The following SH3TC1 variants were observed in gnomAD, a reference collection of about 807,000 sequenced individuals.
SH3TC1 encodes SH3 domain and tetratricopeptide repeats 1, also known as SH3 domain and tetratricopeptide repeat-containing protein 1.
SH3TC1 carries 135 observed loss-of-function variants against 117.3 expected under a neutral mutation model. That is an observed-to-expected ratio of 1.15 (90% CI 1.00 to 1.33). The LOEUF is 1.33. Ranked by LOEUF, SH3TC1 falls within the 40% of genes most tolerant of loss-of-function variation. The probability of loss-of-function intolerance (pLI) is 0.00; values close to 1 mark genes in which losing one functional copy is unlikely to be tolerated. For synonymous variants in SH3TC1, 898 were observed against 816.9 expected, an observed-to-expected ratio of 1.10 and a Z score of -1.69; for missense variants, 2,092 against 1,794.3, an observed-to-expected ratio of 1.17 and a Z score of -3.00.
At chr4:8,188,350 A>C (rs1220714983) in intron 1 of SH3TC1, among the ~76,000 whole-genome samples, 1 of 152,244 alleles carries the variant, frequency 6.6e-6, no homozygotes, top group Admixed American at 6.5e-5. Flanking sequence ...AGCATCGGGC[A>C]GGCAGGTTGG....
Position 8,218,081 on chromosome 4 carries a change from C to T in SH3TC1, c.840-190C>T, listed in dbSNP as rs189022022. Among the ~76,000 whole-genome samples, 27 of 152,190 alleles carry T rather than the reference C, an allele frequency of 1.8e-4. No individual in the cohort carries two copies. In the East Asian group the frequency reaches 3.5e-3, roughly 20 times the overall value. Reference sequence around the variant, plus strand: ...GGGGCTCCCTGGGGGCAGTGCCACACGCACGGGGCCTGAAGGCCACACACC... The same window carrying T: ...GGGGCTCCCTGGGGGCAGTGCCACATGCACGGGGCCTGAAGGCCACACACC... On this transcript the variant is annotated intron_variant, in intron 7 of 17. Coordinates refer to ENST00000245105, the MANE Select transcript of SH3TC1 (RefSeq NM_018986.5).
rs1263270127 is a variant in SH3TC1, at chr4:8,227,935, T to C, written c.2241T>C (p.Ser747=). Residue 747 remains serine (S), a synonymous_variant, in exon 12 of 18, where the codon AGT becomes AGC. Transcript: ENST00000245105. ...TRGSLAGSLR[S]VNLVLQNAPQ... is the part of the protein sequence containing the mutation. ...GCTCGCTGGCCGGCTCGCTGAGGAG[T>C]GTGAACCTGGTGCTCCAGAACGCCC... 1.2e-5 allele frequency: 19 copies of C among 1,612,102 alleles called. No homozygotes were observed. Among genetic ancestry groups the C allele is most frequent in the East Asian group, 2.2e-5 (1 of 44,868 alleles).
In SH3TC1 at chr4:8,240,947, C is replaced by T. The variant is rs575302218; in HGVS notation, c.4003C>T (p.Pro1335Ser). The change falls in exon 18 of 18, where the codon CCT (proline) becomes TCT (serine). Residue 1335 changes from proline (P) to serine (S), a missense_variant. Pro to Ser is a moderately conservative substitution (Grantham distance 74). Transcript: ENST00000245105. Reference protein sequence around the residue: ...GWAPWLAPSHPR With the variant: ...GWAPWLAPSHSR Reference sequence around the variant, plus strand: ...GGCCCCCTGGTTGGCCCCCAGCCACCCTCGCTGAGGACAGCATCCAAGGGA... The same window carrying T: ...GGCCCCCTGGTTGGCCCCCAGCCACTCTCGCTGAGGACAGCATCCAAGGGA... 1.6e-5 allele frequency: 25 copies of T among 1,610,004 alleles called. No homozygotes were observed. In the East Asian group the frequency reaches 2.2e-4, roughly 14 times the overall value.
At chr4:8,233,599 C>A (rs992850778) in intron 14 of SH3TC1, 86 bp downstream of exon 14, 5 of 1,405,992 alleles carry the variant, frequency 3.6e-6, no homozygotes, top group Non-Finnish European at 3.8e-6. Context: ...GATAGATGAT[C>A]CTTCCATCAT....
Position 8,228,507 on chromosome 4 carries a change from T to C in SH3TC1, c.2813T>C (p.Leu938Pro), listed in dbSNP as rs761181177. The change falls in exon 12 of 18, where the codon CTT becomes CCT. Residue 938 changes from leucine (L) to proline (P), a missense_variant. Physicochemically the swap from Leu to Pro is moderately conservative, Grantham distance 98. Transcript: ENST00000245105. The stretch of plus-strand genomic sequence containing the variant: ...GTGCGGCTGTTCTCGAGGCTGCCCC[T>C]TGGGGAGTGTGGCCGGGACTTCACC... ...EAVRLFSRLPLGECGRDFTHV... is the reference protein window; with the variant it reads ...EAVRLFSRLPPGECGRDFTHV... The C allele has an allele frequency of 3.7e-5, 59 of 1,611,294 alleles. No individual in the cohort carries two copies. The highest frequency in any genetic ancestry group is 4.6e-5 in the Non-Finnish European group (54 of 1,179,460).
chr4:8,222,761 A>G, intron 9 of SH3TC1, 79 bp from the exon 10 acceptor site: 1 of 1,545,392 alleles, frequency 6.5e-7, no homozygotes, highest in Non-Finnish European at 8.8e-7. Flanking sequence ...CTGTCAAATC[A>G]AGGAATGGAA....
At chr4:8,207,729 C>T (rs987874966) in intron 2 of SH3TC1, among the ~76,000 whole-genome samples, 8 of 152,196 alleles carry the variant, frequency 5.3e-5, no homozygotes, top group African/African-American at 1.9e-4. Flanking sequence ...CCTGTGTCTT[C>T]GTCACTTAGT....
At position 8,228,429 on chromosome 4, in the gene SH3TC1, TGTGCCTGCATGCGG is replaced by T. The variant is rs1720775155; in HGVS notation, c.2741_2754del (p.Leu914GlnfsTer93). ...GTGGGGCTGGCCAACTTCGGGGCCCTGTGCCTGCATGCGGGTGCCAGCAGGCTGGCCCAGCACTA... is the reference window on the plus strand; with the variant it reads ...GTGGGGCTGGCCAACTTCGGGGCCCTGTGCCAGCAGGCTGGCCCAGCACTA... On this transcript the variant is annotated frameshift_variant, in exon 12 of 18. Coordinates refer to ENST00000245105, the MANE Select transcript of SH3TC1 (RefSeq NM_018986.5). LOFTEE classifies it high-confidence loss of function. The T allele has an allele frequency of 1.2e-6, 2 of 1,604,810 alleles. No homozygotes were observed. Among genetic ancestry groups the T allele is most frequent in the East Asian group, 4.5e-5 (2 of 44,772 alleles).
In SH3TC1 at chr4:8,232,481, G is replaced by C. The variant is rs757202195; in HGVS notation, c.3131+325G>C. On this transcript the variant is annotated intron_variant, in intron 13 of 17. Coordinates refer to ENST00000245105, the MANE Select transcript of SH3TC1 (RefSeq NM_018986.5). ...TCCTACCTGGTGGCTTTTGTCATCTGACCTCTGCCTGCCCCGAGTCTTCAC... is the reference window on the plus strand; with the variant it reads ...TCCTACCTGGTGGCTTTTGTCATCTCACCTCTGCCTGCCCCGAGTCTTCAC... The C allele has an allele frequency of 3.3e-5, 47 of 1,436,450 alleles. No individual in the cohort carries two copies. The East Asian group carries it at 1.6e-3, about 49-fold the overall frequency. The allele number at this position is 1,436,450 out of a possible 1,614,324, so 89.0% of individuals were successfully genotyped here.
chr4:8,232,182 G>T, intron 13 of SH3TC1, 26 bp downstream of exon 13: 1 of 636,046 alleles, frequency 1.6e-6, no homozygotes, highest in East Asian at 6.6e-5. Context: ...GTGGTGGTGG[G>T]GGCGGGGGGA....
rs771178324 is a variant in SH3TC1, at chr4:8,209,677, C to T, written c.173-71C>T. 21 of 1,598,762 alleles carry T rather than the reference C, an allele frequency of 1.3e-5. No homozygotes were observed. The East Asian group carries it at 1.6e-4, about 12-fold the overall frequency. On this transcript the variant is annotated intron_variant, in intron 2 of 17. Transcript: ENST00000245105. This position sits in a 1 kb window ranked among gnomAD's most constrained non-coding sequence, Gnocchi z 5.9. The stretch of plus-strand genomic sequence containing the variant: ...TCTTTTCTTGCAGAGAGACCTGGAG[C>T]GTTTGGCGCCTTCAGAGGAGCCAGG...
rs534790613 is a variant in SH3TC1, at chr4:8,236,518, C to A, written c.3556+90C>A. 4.9e-3 allele frequency: 6,888 copies of A among 1,401,164 alleles called. 21 individuals carry two copies. Among genetic ancestry groups the A allele is most frequent in the Non-Finnish European group, 6.0e-3 (6,475 of 1,071,146 alleles). 86.8% of individuals were successfully genotyped at this position (1,401,164 alleles called of 1,614,324 possible). A position where few individuals can be genotyped will look rare whatever the true frequency, so the allele number is the denominator to read the frequency against. On this transcript the variant is annotated intron_variant, in intron 16 of 17. Coordinates refer to ENST00000245105, the MANE Select transcript of SH3TC1 (RefSeq NM_018986.5). ...GCAGGGCAGGAGCCGAAACAGCTGC[C>A]GGATTTTCCTGGTCTCCTGTCCAGG...
intron 12 of SH3TC1, 79 bp from the exon 13 acceptor site, chr4:8,231,897 C>A: frequency 1.3e-6 from 2 of 1,526,008 alleles, no homozygotes. Flanking sequence ...GAGGCAAGCA[C>A]ACCGCAGGGG....
At chr4:8,223,618 G>T (rs1343800597) in intron 10 of SH3TC1, among the ~76,000 whole-genome samples, 2 of 151,864 alleles carry the variant, frequency 1.3e-5, no homozygotes, top group Non-Finnish European at 2.9e-5. Context: ...ACAAATGTGT[G>T]GCTACACACC....
chr4:8,204,863 G>C (rs575046771), intron 1 of SH3TC1: 73 of 236,948 alleles, frequency 3.1e-4, no homozygotes, highest in Middle Eastern at 1.3e-3. Context: ...CCTGAGGAGG[G>C]GCACAAGGCA....
upstream of SH3TC1, among the ~76,000 whole-genome samples, chr4:8,196,065 G>C (rs1717549579): frequency 6.6e-6 from 1 of 152,254 alleles, no homozygotes; most frequent in African/African-American, 2.4e-5. This position sits in a 1 kb window ranked among gnomAD's most constrained non-coding sequence, Gnocchi z 4.6. Context: ...TCCTCGCTGG[G>C]CCAAGGCTGC....
rs745493760 is a variant in SH3TC1 at position 8,232,089 on chromosome 4, G to A, written c.3064G>A (p.Asp1022Asn). 7 of 1,612,720 alleles carry A rather than the reference G, an allele frequency of 4.3e-6. No individual in the cohort carries two copies. Among genetic ancestry groups the A allele is most frequent in the African/African-American group, 4.0e-5 (3 of 74,818 alleles). The change falls in exon 13 of 18, where the codon GAC (aspartate) becomes AAC (asparagine). Residue 1022 changes from aspartate to asparagine, a missense_variant. By Grantham distance (23) the Asp-to-Asn change is conservative. Coordinates refer to ENST00000245105, the MANE Select transcript of SH3TC1 (RefSeq NM_018986.5). ...LQLSLACKVA[D>N]KVLEGQLLET... ...GCTCTCCCTGGCCTGCAAGGTGGCC[G>A]ACAAGGTGCTGGAGGGGCAGCTCCT...
chr4:8,216,033 G>C (rs894371404), intron 5 of SH3TC1, 78 bp from the exon 6 acceptor site: 1 of 1,555,634 alleles, frequency 6.4e-7, no homozygotes, highest in South Asian at 1.2e-5. Flanking sequence ...GGGCTCAGCC[G>C]ACCTGGGACC....
chr4:8,221,592 A>T (rs1719924959), intron 9 of SH3TC1, among the ~76,000 whole-genome samples: 1 of 151,978 alleles, frequency 6.6e-6, no homozygotes, highest in African/African-American at 2.4e-5. Context: ...TCTCTCTTTC[A>T]CTTCTATTTT....
Sources: allele counts gnomAD v4.1 joint callset (sites outside exome capture counted in the v4.1 genomes callset), GRCh38; gene constraint gnomAD v4.1.1; non-coding constraint Gnocchi (gnomAD v3.1); transcripts MANE v1.5; gene names NCBI Gene and HGNC (gene_info 2026-07-23, HGNC 2026-07-21).